DSCAML1: variants seen among roughly 807,000 people sequenced by gnomAD.
The protein encoded by DSCAML1 is DS cell adhesion molecule like 1, also known as cell adhesion molecule DSCAML1.
A neutral mutation model predicts 200.5 loss-of-function variants in DSCAML1; 38 were observed. The observed-to-expected ratio is 0.19, with a 90% CI of 0.15 to 0.25. The LOEUF (loss-of-function observed/expected upper bound fraction) is 0.25, where lower values mean the gene tolerates loss of function less well. Ranked by LOEUF, DSCAML1 falls within the 10% of genes least tolerant of loss-of-function variation. The pLI is 1.00. For missense variants in DSCAML1, 2,223 were observed against 2,858.8 expected, an observed-to-expected ratio of 0.78 and a Z score of 5.07; for synonymous variants, 1,215 against 1,165.0, an observed-to-expected ratio of 1.04 and a Z score of -0.87.
In DSCAML1 at chr11:117,437,137, G is replaced by C. The variant is rs185846601; in HGVS notation, c.4705C>G (p.Leu1569Val). The change falls in exon 26 of 33, where the codon CTG becomes GTG. Residue 1569 changes from leucine to valine, a missense_variant. By Grantham distance (32) the Leu-to-Val change is conservative (BLOSUM62 1). Coordinates refer to ENST00000651296, the MANE Select transcript of DSCAML1 (RefSeq NM_020693.4). This position sits in a 1 kb window ranked among gnomAD's most constrained non-coding sequence, Gnocchi z 5.3. ...TGCGACTCACTGCCATCGTAGTCCAGGGTGGCGAACTGGGCTGTTTCATTG... is the reference window on the plus strand; with the variant it reads ...TGCGACTCACTGCCATCGTAGTCCACGGTGGCGAACTGGGCTGTTTCATTG... ...CGNETAQFAT[L>V]DYDGSTIPPI... 3 of 1,613,080 alleles carry C rather than the reference G, an allele frequency of 1.9e-6. No homozygotes were observed. The highest frequency in any genetic ancestry group is 2.5e-6 in the Non-Finnish European group (3 of 1,179,256).
At chr11:117,567,073 T>C (rs1020788030) in intron 3 of DSCAML1, among the ~76,000 whole-genome samples, 3 of 152,244 alleles carry the variant, frequency 2.0e-5, no homozygotes, top group African/African-American at 7.2e-5. Context: ...GCAGGATTTA[T>C]AGTCCTTTGG....
intron 3 of DSCAML1, among the ~76,000 whole-genome samples, chr11:117,707,599 C>T (rs113570704): frequency 0.026 from 4,019 of 152,080 alleles, 82 homozygotes; most frequent in African/African-American, 0.056. Context: ...GGTGGCGTGA[C>T]CTCGACTCAC....
chr11:117,583,963 G>C (rs2051092219), intron 3 of DSCAML1, among the ~76,000 whole-genome samples: 1 of 152,098 alleles, frequency 6.6e-6, no homozygotes, highest in South Asian at 2.1e-4. Context: ...GAGTTGTGGG[G>C]GCAGGCTTCC....
chr11:117,534,812 A>G (rs947345493), intron 3 of DSCAML1, among the ~76,000 whole-genome samples: 3 of 152,114 alleles, frequency 2.0e-5, no homozygotes, highest in African/African-American at 7.2e-5. Context: ...AGGTCTCGCT[A>G]TGTTGCCCAG....
chr11:117,812,430 T>G (rs1688117873), intron 1 of DSCAML1, among the ~76,000 whole-genome samples: 1 of 152,042 alleles, frequency 6.6e-6, no homozygotes, highest in African/African-American at 2.4e-5. Context: ...ACCAAATTGT[T>G]TTGCCTATCC....
At chr11:117,778,135 C>T (rs1288167356) in intron 2 of DSCAML1, among the ~76,000 whole-genome samples, 1 of 152,222 alleles carries the variant, frequency 6.6e-6, no homozygotes, top group African/African-American at 2.4e-5. Flanking sequence ...TCCCGGCCCT[C>T]CCTCGGCCTT....
At chr11:117,609,027 CAAACAAACAAAA>C in intron 3 of DSCAML1, among the ~76,000 whole-genome samples, 1 of 110,942 alleles carries the variant, frequency 9.0e-6, no homozygotes, top group Non-Finnish European at 1.9e-5. Flanking sequence ...AACAAACAAA[CAAACAAACAAAA>C]AAAACAAAAA....
chr11:117,749,005 T>G (rs1174094558), intron 3 of DSCAML1, among the ~76,000 whole-genome samples: 1 of 152,196 alleles, frequency 6.6e-6, no homozygotes, highest in Non-Finnish European at 1.5e-5. Flanking sequence ...AGCTCACCCT[T>G]GACACACGTG....
At chr11:117,736,879 T>C (rs1055559233) in intron 3 of DSCAML1, among the ~76,000 whole-genome samples, 17 of 152,218 alleles carry the variant, frequency 1.1e-4, no homozygotes, top group African/African-American at 4.1e-4. Context: ...CATTTCTCAC[T>C]AGCTGTTGCA....
At position 117,489,717 on chromosome 11, in the gene DSCAML1, A is replaced by G. The variant is rs1234680192; in HGVS notation, c.2360-7555T>C. On this transcript the variant is annotated intron_variant, in intron 11 of 32. Coordinates refer to ENST00000651296, the MANE Select transcript of DSCAML1 (RefSeq NM_020693.4). This position sits in a 1 kb window ranked among gnomAD's most constrained non-coding sequence, Gnocchi z 4.8. ...ACCAAATTGGGGCATACTCTGGTGG[A>G]GGCCAAGGAGGCTTCCTGATGACTT... Among the ~76,000 whole-genome samples, 2 of 152,166 alleles carry G rather than the reference A, an allele frequency of 1.3e-5. No homozygotes were observed. The highest frequency in any genetic ancestry group is 1.3e-4 in the Admixed American group (2 of 15,288).
chr11:117,609,851 TG>T (rs1021528710), intron 3 of DSCAML1, among the ~76,000 whole-genome samples: 3 of 152,188 alleles, frequency 2.0e-5, no homozygotes, highest in South Asian at 2.1e-4. Flanking sequence ...GAGTGGTGAA[TG>T]GAGTGTGGAA....
chr11:117,473,976 T>C (rs2048738177), intron 14 of DSCAML1, among the ~76,000 whole-genome samples: 2 of 152,082 alleles, frequency 1.3e-5, no homozygotes, highest in South Asian at 2.1e-4. Context: ...TCACATCTGA[T>C]GTGCCCATGT....
chr11:117,773,010 T>TC (rs545854272), intron 3 of DSCAML1, among the ~76,000 whole-genome samples: 60 of 152,312 alleles, frequency 3.9e-4, no homozygotes, highest in Admixed American at 3.4e-3. Context: ...CTCCAGACTC[T>TC]CCCTGCCCTG....
chr11:117,634,558 G>A (rs1591345614), intron 3 of DSCAML1, among the ~76,000 whole-genome samples: 1 of 152,166 alleles, frequency 6.6e-6, no homozygotes, highest in Non-Finnish European at 1.5e-5. Flanking sequence ...GTTGCTCAGG[G>A]CCCTGGAGTA....
chr11:117,644,350 T>C (rs1391673688), intron 3 of DSCAML1, among the ~76,000 whole-genome samples: 3 of 152,238 alleles, frequency 2.0e-5, no homozygotes, highest in African/African-American at 4.8e-5. Context: ...GCACGGCACC[T>C]GGTTTTCCGA....
In DSCAML1 at chr11:117,428,663, G is replaced by A. The variant is rs1426667540; in HGVS notation, c.5827C>T (p.His1943Tyr). Residue 1943 changes from histidine to tyrosine, a missense_variant, in exon 33 of 33, where the codon CAC becomes TAC. Physicochemically the swap from His to Tyr is moderately conservative, Grantham distance 83 (BLOSUM62 2). This residue lies in a region of DSCAML1 where 280 missense variants were observed against 213.4 expected (regional missense o/e 1.31). Coordinates refer to ENST00000651296, the MANE Select transcript of DSCAML1 (RefSeq NM_020693.4). The stretch of plus-strand genomic sequence containing the variant: ...TTGCTGGCAGGGTCCAGGGTCAGGT[G>A]GCGAGCCTGGGTGTGGTAGGTTCGA... The part of the protein sequence containing the change: ...LARTYHTQAR[H>Y]LTLDPASKSL... 5 of 1,612,258 alleles carry A rather than the reference G, an allele frequency of 3.1e-6. No homozygotes were observed. The Admixed American group carries it at 6.7e-5, about 22-fold the overall frequency.
At chr11:117,641,103 C>T (rs2052396510) in intron 3 of DSCAML1, among the ~76,000 whole-genome samples, 1 of 152,220 alleles carries the variant, frequency 6.6e-6, no homozygotes, top group African/African-American at 2.4e-5. Flanking sequence ...GGCAAGTTTG[C>T]CTGTTTCCAA....
chr11:117,468,374 A>AT (rs2048624301), intron 16 of DSCAML1, among the ~76,000 whole-genome samples: 1 of 152,200 alleles, frequency 6.6e-6, no homozygotes, highest in African/African-American at 2.4e-5. Flanking sequence ...TGAAGTTCTA[A>AT]CTTTCTAATC....
At chr11:117,496,290 C>T (rs1312693707) in intron 11 of DSCAML1, among the ~76,000 whole-genome samples, 2 of 152,168 alleles carry the variant, frequency 1.3e-5, no homozygotes, top group Non-Finnish European at 2.9e-5. Context: ...TAGTCTTTGT[C>T]ACCAGGCTGG....
Sources: allele counts gnomAD v4.1 joint callset (sites outside exome capture counted in the v4.1 genomes callset), GRCh38; gene constraint gnomAD v4.1.1; regional missense constraint gnomAD v4.1.1; non-coding constraint Gnocchi (gnomAD v3.1); transcripts MANE v1.5; gene names NCBI Gene and HGNC (gene_info 2026-07-23, HGNC 2026-07-21).